The following CTNNBIP1 variants were observed in gnomAD, a reference collection of about 807,000 sequenced individuals.
The protein encoded by CTNNBIP1 is beta-catenin-interacting protein 1.
In CTNNBIP1, 7 loss-of-function variants were observed where a neutral mutation model predicts 11.8. That is an observed-to-expected ratio of 0.60 (90% CI 0.34 to 1.12). CTNNBIP1 has a LOEUF of 1.12. CTNNBIP1 is among the 50% of genes most tolerant of loss of function. CTNNBIP1 has a pLI of 0.03. For missense variants in CTNNBIP1, 101 were observed against 113.4 expected (o/e 0.89, Z 0.50); for synonymous variants, 58 against 43.9 (o/e 1.32, Z -1.26).
chr1:9,900,765 G>A (rs547381056), intron 1 of CTNNBIP1, among the ~76,000 whole-genome samples: 1 of 152,304 alleles, frequency 6.6e-6, no homozygotes, highest in South Asian at 2.1e-4. Context: ...GCCCCACCAT[G>A]TCTTCCAAAA....
intron 1 of CTNNBIP1, among the ~76,000 whole-genome samples, chr1:9,908,165 T>G (rs1570606672): frequency 6.6e-6 from 1 of 151,990 alleles, no homozygotes; most frequent in East Asian, 1.9e-4. Context: ...TTCAGGAAAT[T>G]CTCCTGCCTC....
At position 9,871,797 on chromosome 1, in the gene CTNNBIP1, C is replaced by T. The variant is rs1638867369; in HGVS notation, c.96+172G>A. ...GAACTTGACGTGCTGGGCTCTGTGCCTAGGGGGCCAGAAGCAGCCCTAGAG... is the reference window on the plus strand; with the variant it reads ...GAACTTGACGTGCTGGGCTCTGTGCTTAGGGGGCCAGAAGCAGCCCTAGAG... On this transcript the variant is annotated intron_variant, in intron 4 of 5. Transcript: ENST00000377263. The surrounding 1 kb of genome is among the most constrained non-coding windows in gnomAD (Gnocchi z 5.2). Among the ~76,000 whole-genome samples the T allele has an allele frequency of 6.6e-6, 1 of 152,156 alleles. No homozygotes were observed. Among genetic ancestry groups the T allele is most frequent in the Non-Finnish European group, 1.5e-5 (1 of 68,010 alleles).
intron 1 of CTNNBIP1, among the ~76,000 whole-genome samples, chr1:9,888,633 G>A (rs1639236338): frequency 1.3e-5 from 2 of 152,196 alleles, no homozygotes; most frequent in East Asian, 1.9e-4. Flanking sequence ...CATCTGCATC[G>A]CATCCCAGAC....
chr1:9,895,313 C>T (rs1156364991), intron 1 of CTNNBIP1, among the ~76,000 whole-genome samples: 1 of 152,086 alleles, frequency 6.6e-6, no homozygotes. Flanking sequence ...ATTCTCCCAC[C>T]TCAGCCTCCC....
chr1:9,863,533 C>T (rs535480760), intron 5 of CTNNBIP1, among the ~76,000 whole-genome samples: 99 of 152,288 alleles, frequency 6.5e-4, no homozygotes, highest in African/African-American at 2.2e-3. Flanking sequence ...GCCGGCTGCC[C>T]CCAAGGAGGA....
At chr1:9,898,365 A>C (rs1639452710) in intron 1 of CTNNBIP1, among the ~76,000 whole-genome samples, 1 of 152,072 alleles carries the variant, frequency 6.6e-6, no homozygotes, top group African/African-American at 2.4e-5. Context: ...CTCTGCTAAA[A>C]ATACAAAAAT....
At chr1:9,886,558 C>A (rs1206788631) in intron 1 of CTNNBIP1, among the ~76,000 whole-genome samples, 2 of 152,226 alleles carry the variant, frequency 1.3e-5, no homozygotes, top group African/African-American at 4.8e-5. Context: ...CCACACACGT[C>A]CCTACAGGGC....
intron 1 of CTNNBIP1, among the ~76,000 whole-genome samples, chr1:9,890,171 CCT>C (rs974739797): frequency 5.3e-5 from 8 of 152,182 alleles, no homozygotes; most frequent in Admixed American, 4.6e-4. Context: ...GTGAAACCCA[CCT>C]TTTTACAGAG....
chr1:9,866,496 C>G (rs1330571302), intron 5 of CTNNBIP1, among the ~76,000 whole-genome samples: 2 of 152,060 alleles, frequency 1.3e-5, no homozygotes, highest in African/African-American at 4.8e-5. Context: ...GAGTTTGAGA[C>G]CAGCCCGGGC....
rs984714344 is a variant in CTNNBIP1 at position 9,851,474 on chromosome 1, G to T, written c.188-698C>A. Among the ~76,000 whole-genome samples, 4 of 151,946 alleles carry T rather than the reference G, an allele frequency of 2.6e-5. No individual in the cohort carries two copies. Among genetic ancestry groups the T allele is most frequent in the Non-Finnish European group, 5.9e-5 (4 of 68,008 alleles). Reference sequence around the variant, plus strand: ...CATCCTCTGCCTCCCGGGTTCAAGCGATCCTCCTGCCTCAGCCTCCTGAGT... The same window carrying T: ...CATCCTCTGCCTCCCGGGTTCAAGCTATCCTCCTGCCTCAGCCTCCTGAGT... On this transcript the variant is annotated intron_variant, in intron 5 of 5. Coordinates refer to ENST00000377263, the MANE Select transcript of CTNNBIP1 (RefSeq NM_020248.3). The surrounding 1 kb of genome is among the most constrained non-coding windows in gnomAD (Gnocchi z 4.8).
chr1:9,891,673 G>A (rs1639303374), intron 1 of CTNNBIP1, among the ~76,000 whole-genome samples: 1 of 152,092 alleles, frequency 6.6e-6, no homozygotes, highest in African/African-American at 2.4e-5. Context: ...TGGGCACAGT[G>A]GCAAATGCCT....
At chr1:9,908,474 C>T (rs755840811) in intron 1 of CTNNBIP1, among the ~76,000 whole-genome samples, 2 of 150,074 alleles carry the variant, frequency 1.3e-5, no homozygotes, top group African/African-American at 2.5e-5. Context: ...CCCGGGTTCA[C>T]GCCATTCTCC....
intron 1 of CTNNBIP1, among the ~76,000 whole-genome samples, chr1:9,895,876 C>T (rs1639399346): frequency 6.6e-6 from 1 of 152,130 alleles, no homozygotes. Context: ...AATCCTCCTG[C>T]CTCTGCCTCC....
intron 1 of CTNNBIP1, among the ~76,000 whole-genome samples, chr1:9,894,561 C>T (rs1242909776): frequency 4.0e-5 from 6 of 151,086 alleles, no homozygotes. Context: ...AGGGTCTCAC[C>T]CTGTCACCCA....
chr1:9,854,713 G>GGCC (rs1638466995), intron 5 of CTNNBIP1, among the ~76,000 whole-genome samples: 1 of 151,762 alleles, frequency 6.6e-6, no homozygotes, highest in Admixed American at 6.6e-5. Flanking sequence ...GTCTCACTCT[G>GGCC]TCACCCAGGC....
At chr1:9,890,411 T>C (rs1570590965) in intron 1 of CTNNBIP1, among the ~76,000 whole-genome samples, 2 of 151,808 alleles carry the variant, frequency 1.3e-5, no homozygotes, top group South Asian at 4.1e-4. Context: ...AAGGCATCTT[T>C]CGGCTTAATT....
intron 2 of CTNNBIP1, among the ~76,000 whole-genome samples, chr1:9,880,823 G>A (rs1182004973): frequency 6.6e-6 from 1 of 152,134 alleles, no homozygotes; most frequent in East Asian, 1.9e-4. Context: ...GTCACTGATT[G>A]GTTGTGCACC....
chr1:9,908,658 G>A (rs1453378654), intron 1 of CTNNBIP1, among the ~76,000 whole-genome samples: 5 of 152,116 alleles, frequency 3.3e-5, no homozygotes, highest in African/African-American at 1.2e-4. Context: ...CACCGCGCCC[G>A]GCCACAGATT....
In CTNNBIP1 at chr1:9,867,473, C is replaced by T. The variant is rs994639229; in HGVS notation, c.187+3714G>A. On this transcript the variant is annotated intron_variant, in intron 5 of 5. Coordinates refer to ENST00000377263, the MANE Select transcript of CTNNBIP1 (RefSeq NM_020248.3). The surrounding 1 kb of genome is among the most constrained non-coding windows in gnomAD (Gnocchi z 4.6). ...TGCCCCAGGTACCAGACCCATCCAG[C>T]CCTGGAGGGGAAGCATGTGCAGGGC... 1.3e-5 allele frequency among the ~76,000 whole-genome samples: 2 copies of T among 152,210 alleles called. No individual in the cohort carries two copies. The highest frequency in any genetic ancestry group is 1.3e-4 in the Admixed American group (2 of 15,288).
Sources: allele counts gnomAD v4.1 joint callset (sites outside exome capture counted in the v4.1 genomes callset), GRCh38; gene constraint gnomAD v4.1.1; non-coding constraint Gnocchi (gnomAD v3.1); transcripts MANE v1.5; gene names NCBI Gene and HGNC (gene_info 2026-07-23, HGNC 2026-07-21).